The following PHF21B variants were observed in gnomAD, a reference collection of about 807,000 sequenced individuals.
PHF21B encodes the protein PHD finger protein 4.
PHF21B carries 22 observed loss-of-function variants against 62.2 expected under a neutral mutation model. The ratio of observed to expected loss-of-function variants is 0.35; its 90% confidence interval spans 0.25 to 0.51. The LOEUF (loss-of-function observed/expected upper bound fraction) is 0.51, where lower values mean the gene tolerates loss of function less well. Ranked by LOEUF, PHF21B falls within the 20% of genes least tolerant of loss-of-function variation. PHF21B has a pLI of 0.97. For synonymous variants in PHF21B, 341 were observed against 314.7 expected (o/e 1.08, Z -0.88); for missense variants, 701 against 707.9 (o/e 0.99, Z 0.11).
rs151004825 is a variant in PHF21B at position 44,914,012 on chromosome 22, G to C, written c.641C>G (p.Thr214Ser). ...CPLHPSSLPL[T>S]PPSPSLSPSP... ...AGGGGACAGTGATGGGGAGGGAGGG[G>C]TGAGGGGAAGAGAGGAGGGGTGGAG... Residue 214 changes from threonine (T) to serine (S), a missense_variant, in exon 5 of 13, where the codon ACC becomes AGC. By Grantham distance (58) the Thr-to-Ser change is moderately conservative (BLOSUM62 1). Coordinates refer to ENST00000313237, the MANE Select transcript of PHF21B (RefSeq NM_138415.5). The C allele has an allele frequency of 1.2e-4, 149 of 1,201,366 alleles. 1 individual carries two copies. The African/African-American group carries it at 2.1e-3, about 17-fold the overall frequency. 74.4% of individuals were successfully genotyped at this position (1,201,366 alleles called of 1,614,324 possible).
At chr22:44,946,848 G>T (rs1392153262) in intron 2 of PHF21B, among the ~76,000 whole-genome samples, 1 of 152,202 alleles carries the variant, frequency 6.6e-6, no homozygotes, top group African/African-American at 2.4e-5. Flanking sequence ...AACCTTTGGT[G>T]ACACTGTGGA....
intron 3 of PHF21B, among the ~76,000 whole-genome samples, chr22:44,918,282 C>T (rs780554189): frequency 4.7e-4 from 72 of 152,206 alleles, no homozygotes; most frequent in Non-Finnish European, 8.8e-4. Context: ...GTGTTCTGGT[C>T]GATCATCTGG....
At chr22:44,883,793 C>T (rs921214476) in intron 12 of PHF21B, among the ~76,000 whole-genome samples, 3 of 139,410 alleles carry the variant, frequency 2.2e-5, no homozygotes, top group African/African-American at 7.3e-5. Context: ...TGAAATACTG[C>T]TTGGGCAAAT....
chr22:44,995,304 A>T (rs1049040475), intron 2 of PHF21B, among the ~76,000 whole-genome samples: 1 of 152,194 alleles, frequency 6.6e-6, no homozygotes, highest in African/African-American at 2.4e-5. Flanking sequence ...CCTCATGCTT[A>T]TAATTAGATC....
chr22:44,954,938 C>T (rs932206251), intron 2 of PHF21B, among the ~76,000 whole-genome samples: 11 of 152,116 alleles, frequency 7.2e-5, no homozygotes, highest in Non-Finnish European at 1.0e-4. Flanking sequence ...GAAGGCAGGA[C>T]GGGTGATGTT....
Position 44,912,860 on chromosome 22 carries a change from AAG to A in PHF21B, c.831+960_831+961del, listed in dbSNP as rs1316694990. Among the ~76,000 whole-genome samples the A allele has an allele frequency of 6.7e-5, 8 of 119,062 alleles. No individual in the cohort carries two copies. The East Asian group carries it at 2.2e-3, about 33-fold the overall frequency. The allele number at this position is 119,062 out of a possible 152,430, so 78.1% of individuals were successfully genotyped here. A position where few individuals can be genotyped will look rare whatever the true frequency, so the allele number is the denominator to read the frequency against. On this transcript the variant is annotated intron_variant, in intron 5 of 12. Transcript: ENST00000313237. ...TGCCAGTGCACACCAGCATGGCTCA[AAG>A]AGTCAGACTCTATCTCAAAAAAAAA...
At chr22:44,997,420 G>C (rs2073141222) in intron 2 of PHF21B, among the ~76,000 whole-genome samples, 1 of 152,158 alleles carries the variant, frequency 6.6e-6, no homozygotes, top group Admixed American at 6.5e-5. Flanking sequence ...AATGGCTGCA[G>C]GGAGGTGGAC....
intron 10 of PHF21B, among the ~76,000 whole-genome samples, chr22:44,886,651 C>T (rs1047073833): frequency 6.6e-6 from 1 of 151,806 alleles, no homozygotes; most frequent in Non-Finnish European, 1.5e-5. Context: ...CATGCTCCTG[C>T]ACTCTAGCCT....
rs142102871 is a variant in PHF21B, at chr22:44,974,320, A to G, written c.120+34225T>C. On this transcript the variant is annotated intron_variant, in intron 2 of 12. Coordinates refer to ENST00000313237, the MANE Select transcript of PHF21B (RefSeq NM_138415.5). The stretch of plus-strand genomic sequence containing the variant: ...TCCCAGCTACTCGGGAGGCTGAGGC[A>G]GGAGGGTCACTTGAGGCCAGGAGGT... Among the ~76,000 whole-genome samples the G allele has an allele frequency of 7.9e-5, 12 of 152,058 alleles. No individual in the cohort carries two copies. The East Asian group carries it at 2.1e-3, about 27-fold the overall frequency.
At chr22:44,902,324 T>C in intron 5 of PHF21B, 1 of 332,182 alleles carries the variant, frequency 3.0e-6, no homozygotes, top group Non-Finnish European at 6.0e-6. Context: ...AGCTGTGGAC[T>C]CACAAATTTT....
chr22:44,894,978 C>A (rs2071031707), intron 6 of PHF21B, among the ~76,000 whole-genome samples: 2 of 152,272 alleles, frequency 1.3e-5, no homozygotes, highest in African/African-American at 2.4e-5. Flanking sequence ...AAACTCTTAA[C>A]TTCAAGACTG....
chr22:44,991,546 C>T (rs561509119), intron 2 of PHF21B, among the ~76,000 whole-genome samples: 85 of 152,260 alleles, frequency 5.6e-4, no homozygotes, highest in African/African-American at 1.6e-3. Flanking sequence ...AGAACAGGGA[C>T]GGGCCTGGCG....
Position 44,916,611 on chromosome 22 carries a change from A to G in PHF21B, c.233T>C (p.Ile78Thr). 6.2e-7 allele frequency: 1 copy of G among 1,602,434 alleles called. No homozygotes were observed. Among genetic ancestry groups the G allele is most frequent in the Non-Finnish European group, 8.5e-7 (1 of 1,179,934 alleles). Residue 78 changes from isoleucine to threonine, a missense_variant, in exon 4 of 13, where the codon ATT becomes ACT. Coordinates refer to ENST00000313237, the MANE Select transcript of PHF21B (RefSeq NM_138415.5). ...VLPQVRPKTL[I>T]PDSLPVAPGR... ...CGGGGCAACGGGGAGGCTGTCTGGA[A>G]TCAGAGTCTTTGGCCTAACCTGGGA...
intron 2 of PHF21B, among the ~76,000 whole-genome samples, chr22:44,961,245 G>A (rs543639745): frequency 1.2e-4 from 18 of 151,924 alleles, no homozygotes; most frequent in African/African-American, 2.4e-4. Context: ...ATGAGCCACC[G>A]TGCCCAGACT....
intron 2 of PHF21B, among the ~76,000 whole-genome samples, chr22:44,929,724 C>T (rs2071703163): frequency 6.6e-6 from 1 of 152,218 alleles, no homozygotes; most frequent in African/African-American, 2.4e-5. Flanking sequence ...TAACAGCAGC[C>T]GGTGGCACTG....
chr22:44,920,686 A>G (rs1375220008), intron 2 of PHF21B, among the ~76,000 whole-genome samples, 196 bp from the exon 3 acceptor site: 1 of 152,254 alleles, frequency 6.6e-6, no homozygotes, highest in Non-Finnish European at 1.5e-5. Flanking sequence ...AGAGAAAGGA[A>G]AAGAGCAGCA....
At chr22:44,901,008 A>T (rs1403886518) in intron 5 of PHF21B, among the ~76,000 whole-genome samples, 3 of 152,246 alleles carry the variant, frequency 2.0e-5, no homozygotes, top group Non-Finnish European at 4.4e-5. Flanking sequence ...GCATCACCAT[A>T]CCATGAAAAG....
At chr22:44,938,436 G>A (rs1274095103) in intron 2 of PHF21B, among the ~76,000 whole-genome samples, 1 of 152,242 alleles carries the variant, frequency 6.6e-6, no homozygotes, top group East Asian at 1.9e-4. Context: ...GTTTCTCCAT[G>A]TTGGCCAGGC....
chr22:44,890,389 G>T (rs1360557045), intron 8 of PHF21B, among the ~76,000 whole-genome samples: 1 of 152,176 alleles, frequency 6.6e-6, no homozygotes, highest in Non-Finnish European at 1.5e-5. Flanking sequence ...TCAGGTTCCA[G>T]ATCAGATCTG....
Sources: gnomAD v4.1 joint callset for allele counts (sites outside exome capture counted in the v4.1 genomes callset) on GRCh38, gnomAD v4.1.1 for gene constraint, MANE v1.5 for transcripts, NCBI Gene and HGNC (gene_info 2026-07-23, HGNC 2026-07-21) for gene names.